The following TRAPPC9 variants were observed in gnomAD, a reference collection of about 807,000 sequenced individuals.
TRAPPC9 encodes the protein IKK2 binding protein.
TRAPPC9 carries 83 observed loss-of-function variants against 124.0 expected under a neutral mutation model. The ratio of observed to expected loss-of-function variants is 0.67; its 90% CI spans 0.56 to 0.80. The LOEUF is 0.80. Ranked by LOEUF, TRAPPC9 falls within the 30% of genes least tolerant of loss-of-function variation. TRAPPC9 has a pLI of 0.00. For missense variants in TRAPPC9, 1,302 were observed against 1,508.3 expected (o/e 0.86, Z 2.27); for synonymous variants, 638 against 617.5 (o/e 1.03, Z -0.49).
At chr8:140,326,867 C>T (rs186730637) in intron 9 of TRAPPC9, among the ~76,000 whole-genome samples, 203 of 152,134 alleles carry the variant, frequency 1.3e-3, no homozygotes, top group African/African-American at 4.5e-3. Flanking sequence ...GGTGACAGAG[C>T]GAGACCCTGT....
rs1842753053 is a variant in TRAPPC9, at chr8:140,063,598, G to C, written c.2557-39519C>G. ...CGGCAATAAAGAAAACTTAGATTTT[G>C]ATAATCAGTAAAAACAGTACCTGAG... On this transcript the variant is annotated intron_variant, in intron 17 of 22. Coordinates refer to ENST00000438773, the MANE Select transcript of TRAPPC9 (RefSeq NM_001160372.4). The surrounding 1 kb of genome is among the most constrained non-coding windows in gnomAD (Gnocchi z 4.3). Among the ~76,000 whole-genome samples the C allele has an allele frequency of 6.6e-6, 1 of 152,194 alleles. No homozygotes were observed. Among genetic ancestry groups the C allele is most frequent in the Non-Finnish European group, 1.5e-5 (1 of 68,042 alleles).
intron 19 of TRAPPC9, among the ~76,000 whole-genome samples, chr8:139,982,812 G>A (rs566840797): frequency 6.6e-6 from 1 of 152,132 alleles, no homozygotes; most frequent in East Asian, 1.9e-4. Flanking sequence ...TATGATAAGA[G>A]TGGCATTGCT....
In TRAPPC9 at chr8:140,104,805, A is replaced by T. The variant is rs555293536; in HGVS notation, c.2557-80726T>A. Among the ~76,000 whole-genome samples, 3 of 152,218 alleles carry T rather than the reference A, an allele frequency of 2.0e-5. No homozygotes were observed. The highest frequency in any genetic ancestry group is 6.5e-5 in the Admixed American group (1 of 15,284). On this transcript the variant is annotated intron_variant, in intron 17 of 22. Coordinates refer to ENST00000438773, the MANE Select transcript of TRAPPC9 (RefSeq NM_001160372.4). This position sits in a 1 kb window ranked among gnomAD's most constrained non-coding sequence, Gnocchi z 4.0. ...CTTAAACATCCTTCTTGTGATTAGG[A>T]CATTTCCCAGAGTTGCCTCGAACTG...
intron 21 of TRAPPC9, among the ~76,000 whole-genome samples, chr8:139,754,190 G>A (rs752984150): frequency 6.6e-6 from 1 of 152,156 alleles, no homozygotes; most frequent in African/African-American, 2.4e-5. Context: ...ACCTCCCAAG[G>A]AGCCTGGCCC....
At chr8:140,095,267 TAACATGC>T (rs1844858791) in intron 17 of TRAPPC9, 1 of 152,234 alleles carries the variant, frequency 6.6e-6, no homozygotes, top group Non-Finnish European at 1.5e-5. Flanking sequence ...GACAGCTTTA[TAACATGC>T]ACCTGACAGA....
chr8:140,093,028 G>GA (rs796787044), intron 17 of TRAPPC9, among the ~76,000 whole-genome samples: 22,617 of 140,342 alleles, frequency 0.16, 1,994 homozygotes, highest in African/African-American at 0.27. Context: ...GTATCTGAAT[G>GA]AAAAAAAAAA....
chr8:139,927,982 G>A (rs1406697012), intron 19 of TRAPPC9, among the ~76,000 whole-genome samples: 1 of 152,194 alleles, frequency 6.6e-6, no homozygotes, highest in Admixed American at 6.5e-5. Flanking sequence ...TTTTGGGGGT[G>A]ATAGCAACAT....
intron 16 of TRAPPC9, among the ~76,000 whole-genome samples, chr8:140,224,123 T>TC (rs1267472868): frequency 4.6e-5 from 7 of 152,170 alleles, no homozygotes; most frequent in African/African-American, 1.7e-4. Context: ...AACTGGCCCC[T>TC]CTTCAAGCAC....
intron 17 of TRAPPC9, among the ~76,000 whole-genome samples, chr8:140,090,876 C>G (rs943793650): frequency 6.6e-6 from 1 of 152,306 alleles, no homozygotes; most frequent in African/African-American, 2.4e-5. Flanking sequence ...ATTTCTAGGC[C>G]ATATTAATGG....
intron 18 of TRAPPC9, among the ~76,000 whole-genome samples, chr8:140,018,291 AT>A (rs1839599322): frequency 6.8e-6 from 1 of 147,340 alleles, no homozygotes. Context: ...TCATTTTCAA[AT>A]TGTTAGTTGC....
intron 21 of TRAPPC9, among the ~76,000 whole-genome samples, chr8:139,737,283 G>A (rs1470320982): frequency 1.3e-5 from 2 of 152,170 alleles, no homozygotes; most frequent in African/African-American, 4.8e-5. Context: ...CCTCCTGGGG[G>A]ACCCGCTGCT....
At chr8:140,000,878 C>A (rs1463579161) in intron 18 of TRAPPC9, among the ~76,000 whole-genome samples, 1 of 152,224 alleles carries the variant, frequency 6.6e-6, no homozygotes, top group Non-Finnish European at 1.5e-5. Context: ...GATCCCATTA[C>A]TGGGTATATA....
chr8:140,234,499 C>A (rs377045425), intron 16 of TRAPPC9, among the ~76,000 whole-genome samples: 1 of 152,182 alleles, frequency 6.6e-6, no homozygotes, highest in African/African-American at 2.4e-5. Flanking sequence ...TTAATCTAGA[C>A]ACTCCCAAGA....
At chr8:139,920,060 T>C (rs1832412357) in intron 19 of TRAPPC9, among the ~76,000 whole-genome samples, 1 of 152,230 alleles carries the variant, frequency 6.6e-6, no homozygotes, top group African/African-American at 2.4e-5. Flanking sequence ...TCAGATTCTT[T>C]ACCACTGGGG....
At chr8:140,134,538 A>ACAGGTGTGAGCCAC (rs142436139) in intron 17 of TRAPPC9, among the ~76,000 whole-genome samples, 143,547 of 151,522 alleles carry the variant, frequency 0.95, 67,800 homozygotes, top group East Asian at 1. Flanking sequence ...TGCTGGGATT[A>ACAGGTGTGAGCCAC]CATGGTTGGC....
chr8:139,953,607 C>T (rs187514162), intron 19 of TRAPPC9, among the ~76,000 whole-genome samples: 5 of 152,016 alleles, frequency 3.3e-5, no homozygotes, highest in Non-Finnish European at 7.4e-5. Flanking sequence ...CTCTGAGTGA[C>T]GCTTGAAAAG....
chr8:140,330,864 C>T (rs1036723908), intron 9 of TRAPPC9, among the ~76,000 whole-genome samples: 1 of 152,040 alleles, frequency 6.6e-6, no homozygotes, highest in South Asian at 2.1e-4. Context: ...ACGCTGCCCA[C>T]CCAGACTGCC....
chr8:140,415,418 G>C (rs2069885201), intron 5 of TRAPPC9, among the ~76,000 whole-genome samples: 2 of 151,620 alleles, frequency 1.3e-5, no homozygotes, highest in Non-Finnish European at 2.9e-5. Flanking sequence ...AGCCGGGCGT[G>C]GTGGTGCACG....
intron 17 of TRAPPC9, among the ~76,000 whole-genome samples, chr8:140,048,071 G>A (rs751798716): frequency 6.6e-6 from 1 of 152,220 alleles, no homozygotes; most frequent in Non-Finnish European, 1.5e-5. Flanking sequence ...CCCTCTGATA[G>A]GCAGACTCTC....
Sources: allele counts gnomAD v4.1 joint callset (sites outside exome capture counted in the v4.1 genomes callset), GRCh38; gene constraint gnomAD v4.1.1; non-coding constraint Gnocchi (gnomAD v3.1); transcripts MANE v1.5; gene names NCBI Gene and HGNC (gene_info 2026-07-23, HGNC 2026-07-21).